TENM4: variants seen among roughly 807,000 people sequenced by gnomAD.
TENM4 encodes the protein teneurin-4.
Under a neutral mutation model 243.3 loss-of-function variants are expected in TENM4, and 82 were observed. The ratio of observed to expected loss-of-function variants is 0.34; its 90% confidence interval spans 0.28 to 0.40. TENM4 has a LOEUF of 0.40. Ranked by LOEUF, TENM4 falls within the 10% of genes least tolerant of loss-of-function variation. The pLI is 1.00. For missense variants in TENM4, 3,138 were observed against 3,673.3 expected, an observed-to-expected ratio of 0.85 and a Z score of 3.77; for synonymous variants, 1,412 against 1,456.3, an observed-to-expected ratio of 0.97 and a Z score of 0.69.
chr11:78,879,051 C>T (rs1248018350), intron 9 of TENM4, among the ~76,000 whole-genome samples: 2 of 151,648 alleles, frequency 1.3e-5, no homozygotes, highest in Non-Finnish European at 2.9e-5. Context: ...GCTGCCCCAT[C>T]TAGGAAGTGA....
intron 6 of TENM4, among the ~76,000 whole-genome samples, chr11:79,063,217 C>T (rs537474606): frequency 6.6e-6 from 1 of 152,310 alleles, no homozygotes; most frequent in African/African-American, 2.4e-5. Flanking sequence ...CTGCCCATCC[C>T]CAATCTGGGG....
chr11:78,770,370 C>T (rs1856621967), intron 18 of TENM4, among the ~76,000 whole-genome samples: 1 of 152,184 alleles, frequency 6.6e-6, no homozygotes, highest in Admixed American at 6.5e-5. Context: ...TAAGGATGCA[C>T]AGGGAGTCAA....
chr11:79,096,405 C>T (rs12799882), intron 4 of TENM4: 22,097 of 152,200 alleles, frequency 0.15, 1,817 homozygotes, highest in Middle Eastern at 0.32. Context: ...ACTGCTGGTG[C>T]CTTTGCTGGG....
intron 6 of TENM4, among the ~76,000 whole-genome samples, chr11:78,939,787 C>T (rs921384872): frequency 5.9e-5 from 9 of 152,094 alleles, no homozygotes; most frequent in Admixed American, 3.3e-4. Context: ...TTAAAAACAA[C>T]GTATTTTTGT....
At chr11:79,328,699 G>T (rs112844058) in intron 1 of TENM4, among the ~76,000 whole-genome samples, 153 of 152,246 alleles carry the variant, frequency 1.0e-3, no homozygotes, top group African/African-American at 3.6e-3. Flanking sequence ...TCTACAACGT[G>T]CCCGCTTCTG....
chr11:78,711,679 G>A (rs1859399628), intron 26 of TENM4, among the ~76,000 whole-genome samples: 1 of 152,060 alleles, frequency 6.6e-6, no homozygotes, highest in African/African-American at 2.4e-5. Flanking sequence ...GTAAATCACT[G>A]GCTATAGGGT....
chr11:79,318,135 G>C (rs748093904), intron 1 of TENM4, among the ~76,000 whole-genome samples: 1 of 152,158 alleles, frequency 6.6e-6, no homozygotes, highest in Admixed American at 6.5e-5. Context: ...TCTGAGAAAT[G>C]ATGATTTAAA....
chr11:79,069,632 C>T, intron 5 of TENM4, 90 bp downstream of exon 5: 7 of 1,443,218 alleles, frequency 4.9e-6, no homozygotes, highest in Non-Finnish European at 5.5e-6. Context: ...ACCTGTGCCA[C>T]GCCCACCTGC....
chr11:79,210,409 A>G (rs1290088501), intron 3 of TENM4, among the ~76,000 whole-genome samples: 2 of 152,228 alleles, frequency 1.3e-5, no homozygotes, highest in Non-Finnish European at 2.9e-5. Context: ...AAAGGAGCAT[A>G]TTGGTGTCCC....
intron 4 of TENM4, among the ~76,000 whole-genome samples, chr11:79,090,375 C>T (rs1015526014): frequency 3.9e-5 from 6 of 152,246 alleles, no homozygotes; most frequent in South Asian, 2.1e-4. Flanking sequence ...TATTTGTCAG[C>T]GTGACTGATG....
chr11:79,136,395 G>T (rs903587088), intron 4 of TENM4, among the ~76,000 whole-genome samples: 2 of 152,104 alleles, frequency 1.3e-5, no homozygotes, highest in Non-Finnish European at 2.9e-5. Flanking sequence ...TCATCGCCCA[G>T]TGGGCCCATG....
intron 6 of TENM4, among the ~76,000 whole-genome samples, chr11:79,002,259 C>T (rs1487758055): frequency 2.0e-5 from 3 of 152,236 alleles, no homozygotes; most frequent in African/African-American, 7.2e-5. Context: ...CAAATGCACA[C>T]AGGAATGTTG....
intron 7 of TENM4, among the ~76,000 whole-genome samples, chr11:78,895,654 G>A (rs1334165128): frequency 6.6e-6 from 1 of 152,170 alleles, no homozygotes; most frequent in Non-Finnish European, 1.5e-5. Context: ...CCCACCTTGG[G>A]TCATAGTCAC....
intron 1 of TENM4, among the ~76,000 whole-genome samples, chr11:79,400,515 C>A (rs75909855): frequency 0.02 from 3,105 of 152,246 alleles, 103 homozygotes; most frequent in African/African-American, 0.071. Context: ...ACAGGCATCT[C>A]TCTTGCCCTC....
At chr11:79,392,414 C>T (rs574497404) in intron 1 of TENM4, among the ~76,000 whole-genome samples, 2 of 152,318 alleles carry the variant, frequency 1.3e-5, no homozygotes, top group Admixed American at 1.3e-4. Flanking sequence ...ATTGAAGTGA[C>T]AGGTTACATT....
Position 79,062,738 on chromosome 11 carries a change from C to T in TENM4, c.493+2000G>A, listed in dbSNP as rs73504678. On this transcript the variant is annotated intron_variant, in intron 6 of 33. Coordinates refer to ENST00000278550, the MANE Select transcript of TENM4 (RefSeq NM_001098816.3). ...AAAGGATGCAATTTACCCCATGCCA[C>T]ACCCTAGACCAGTAATAGAACTGAG... Among the ~76,000 whole-genome samples the T allele has an allele frequency of 8.3e-3, 1,264 of 152,334 alleles. 16 individuals carry two copies. Among genetic ancestry groups the T allele is most frequent in the African/African-American group, 0.025 (1,028 of 41,562 alleles).
intron 12 of TENM4, among the ~76,000 whole-genome samples, chr11:78,830,296 G>A (rs1857950073): frequency 6.6e-6 from 1 of 152,040 alleles, no homozygotes; most frequent in Admixed American, 6.5e-5. Flanking sequence ...CCCATGACCA[G>A]GGAGGCTGTT....
intron 32 of TENM4, among the ~76,000 whole-genome samples, chr11:78,662,484 G>A (rs1858055231): frequency 6.6e-6 from 1 of 152,182 alleles, no homozygotes; most frequent in South Asian, 2.1e-4. Flanking sequence ...CACCGTGCCC[G>A]GCCACCTTCA....
In TENM4 at chr11:78,994,653, C is replaced by T. The variant is rs180718420; in HGVS notation, c.493+70085G>A. Among the ~76,000 whole-genome samples, 20 of 152,266 alleles carry T rather than the reference C, an allele frequency of 1.3e-4. No individual in the cohort carries two copies. The East Asian group carries it at 3.9e-3, about 29-fold the overall frequency. ...GATGGCTAGTCCAATTCCAGTTATT[C>T]TATTATGGCCAGAGTGGAAGGGTGG... On this transcript the variant is annotated intron_variant, in intron 6 of 33. Coordinates refer to ENST00000278550, the MANE Select transcript of TENM4 (RefSeq NM_001098816.3).
Sources: gnomAD v4.1 joint callset for allele counts (sites outside exome capture counted in the v4.1 genomes callset) on GRCh38, gnomAD v4.1.1 for gene constraint, MANE v1.5 for transcripts, NCBI Gene and HGNC (gene_info 2026-07-23, HGNC 2026-07-21) for gene names.